BZW2: variants seen among roughly 807,000 people sequenced by gnomAD.
BZW2 encodes the protein eIF5-mimic protein 1.
In BZW2, 23 loss-of-function variants were observed where a neutral mutation model predicts 53.2. The ratio of observed to expected loss-of-function variants is 0.43; its 90% CI spans 0.31 to 0.61. BZW2 has a LOEUF of 0.61. BZW2 is among the 20% of genes least tolerant of loss of function. The probability of loss-of-function intolerance (pLI) is 0.09; values close to 1 mark genes in which losing one functional copy is unlikely to be tolerated. For missense variants in BZW2, 409 were observed against 503.1 expected (o/e 0.81, Z 1.79); for synonymous variants, 227 against 186.4 (o/e 1.22, Z -1.77).
chr7:16,653,419 C>A (rs144603710), intron 1 of BZW2, among the ~76,000 whole-genome samples: 99 of 152,326 alleles, frequency 6.5e-4, no homozygotes, highest in Admixed American at 3.4e-3. Flanking sequence ...CACCAACACT[C>A]CCATCAGTTT....
intron 3 of BZW2, among the ~76,000 whole-genome samples, chr7:16,676,642 G>A (rs1167577): frequency 0.29 from 43,463 of 152,096 alleles, 7,089 homozygotes; most frequent in African/African-American, 0.45. Context: ...GGTAAGGGAT[G>A]AGTATTTTCA....
In BZW2 at chr7:16,646,263, C is replaced by T; in HGVS notation, c.-33C>T. On this transcript the variant is annotated 5_prime_UTR_variant, in exon 1 of 12. Transcript: ENST00000258761. Reference sequence around the variant, plus strand: ...CGAATCGCCGCAGCCCCCAGCCTTGCGCGTCGTCGCTACCTCCTCGGACAG... The same window carrying T: ...CGAATCGCCGCAGCCCCCAGCCTTGTGCGTCGTCGCTACCTCCTCGGACAG... 1 of 283,330 alleles carries T rather than the reference C, an allele frequency of 3.5e-6. No homozygotes were observed. Among genetic ancestry groups the T allele is most frequent in the Non-Finnish European group, 7.2e-6 (1 of 139,678 alleles). 17.6% of individuals were successfully genotyped at this position (283,330 alleles called of 1,614,324 possible). A position where few individuals can be genotyped will look rare whatever the true frequency, so the allele number is the denominator to read the frequency against.
chr7:16,660,849 A>T (rs1049204800), intron 1 of BZW2, among the ~76,000 whole-genome samples: 20 of 151,980 alleles, frequency 1.3e-4, no homozygotes, highest in African/African-American at 3.9e-4. Context: ...TTCACAAAGG[A>T]CCTCCTGGGG....
At chr7:16,678,473 G>A (rs1782836779) in intron 3 of BZW2, among the ~76,000 whole-genome samples, 1 of 152,012 alleles carries the variant, frequency 6.6e-6, no homozygotes, top group South Asian at 2.1e-4. Context: ...GTTAGAAATG[G>A]CAAACAATAC....
chr7:16,695,646 G>C (rs706039), intron 8 of BZW2, among the ~76,000 whole-genome samples: 1 of 151,912 alleles, frequency 6.6e-6, no homozygotes, highest in Non-Finnish European at 1.5e-5. Context: ...TATCTGGAGA[G>C]AGCTTTCTAT....
chr7:16,705,358 G>GATAA (rs923849080), intron 11 of BZW2, among the ~76,000 whole-genome samples: 1 of 149,250 alleles, frequency 6.7e-6, no homozygotes, highest in Non-Finnish European at 1.5e-5. Flanking sequence ...ACTCCATCTC[G>GATAA]ATAAATAAAT....
At chr7:16,666,389 T>TTTTGTTTATTTATTTA (rs1554265406) in intron 2 of BZW2, among the ~76,000 whole-genome samples, 9 of 145,926 alleles carry the variant, frequency 6.2e-5, no homozygotes, top group Non-Finnish European at 1.2e-4. Flanking sequence ...TATAAAAGAC[T>TTTTGTTTATTTATTTA]TTTATTTATT....
rs1258402221 is a variant in BZW2 at position 16,706,303 on chromosome 7, C to T, written c.*215C>T. The T allele has an allele frequency of 3.7e-6, 2 of 542,856 alleles. No individual in the cohort carries two copies. The highest frequency in any genetic ancestry group is 1.9e-5 in the African/African-American group (1 of 51,838). The allele number at this position is 542,856 out of a possible 1,614,324, so 33.6% of individuals were successfully genotyped here. A position where few individuals can be genotyped will look rare whatever the true frequency, so the allele number is the denominator to read the frequency against. ...CTATTATACTTGGGACTCTACCTCT[C>T]ACTCACTATATGCTAACTTAAAGCC... On this transcript the variant is annotated 3_prime_UTR_variant, in exon 12 of 12. Coordinates refer to ENST00000258761, the MANE Select transcript of BZW2 (RefSeq NM_014038.3).
At chr7:16,671,930 C>CAAAAAAAAAAAAAAAAA (rs56356463) in intron 2 of BZW2, among the ~76,000 whole-genome samples, 1 of 99,402 alleles carries the variant, frequency 1.0e-5, no homozygotes, top group Admixed American at 1.1e-4. Flanking sequence ...GACCCTGTTT[C>CAAAAAAAAAAAAAAAAA]AAAAAAAAAA....
In BZW2 at chr7:16,672,237, A is replaced by G. The variant is rs189786455; in HGVS notation, c.59-2175A>G. Among the ~76,000 whole-genome samples the G allele has an allele frequency of 2.5e-3, 373 of 152,104 alleles. 4 individuals carry two copies. The highest frequency in any genetic ancestry group is 8.8e-3 in the African/African-American group (364 of 41,488). The stretch of plus-strand genomic sequence containing the variant: ...TTTCATTTCTGGGAGATTTATTGAG[A>G]TTTTTCAAAAAATTTCCTTTCCTTT... On this transcript the variant is annotated intron_variant, in intron 2 of 11. Coordinates refer to ENST00000258761, the MANE Select transcript of BZW2 (RefSeq NM_014038.3).
chr7:16,703,251 T>G (rs1315331016), intron 10 of BZW2, among the ~76,000 whole-genome samples: 1 of 152,214 alleles, frequency 6.6e-6, no homozygotes, highest in Non-Finnish European at 1.5e-5. Context: ...AATCCAGACT[T>G]CTTGCTTCCT....
chr7:16,706,033 A>C (rs748647218), intron 11 of BZW2, 27 bp from the exon 12 acceptor site: 1 of 1,613,578 alleles, frequency 6.2e-7, no homozygotes, highest in East Asian at 2.2e-5. Flanking sequence ...CTGGGAGGAA[A>C]TATCTCACTT....
chr7:16,701,842 A>C (rs943145811), intron 10 of BZW2, among the ~76,000 whole-genome samples: 27 of 152,202 alleles, frequency 1.8e-4, no homozygotes, highest in African/African-American at 6.5e-4. Flanking sequence ...AAGAAAACAA[A>C]GAATTACACT....
chr7:16,674,384 ACTGTTAT>A, intron 2 of BZW2, 21 bp from the exon 3 acceptor site: 2 of 1,475,810 alleles, frequency 1.4e-6, no homozygotes, highest in Non-Finnish European at 1.8e-6. Flanking sequence ...TATTTATTTG[ACTGTTAT>A]TTTGAATTGT....
intron 3 of BZW2, among the ~76,000 whole-genome samples, chr7:16,678,436 G>A (rs1024537978): frequency 7.2e-5 from 11 of 152,030 alleles, no homozygotes; most frequent in African/African-American, 1.4e-4. Flanking sequence ...CTTCTACCTT[G>A]AGAAAAACAG....
chr7:16,646,592 C>T (rs988568420), intron 1 of BZW2, among the ~76,000 whole-genome samples: 2 of 152,180 alleles, frequency 1.3e-5, no homozygotes, highest in Admixed American at 1.3e-4. Context: ...TGCACATGGT[C>T]TCGTGCGTGG....
At chr7:16,706,037 C>T (rs776296556) in intron 11 of BZW2, 23 bp from the exon 12 acceptor site, 2 of 1,613,398 alleles carry the variant, frequency 1.2e-6, no homozygotes, top group Non-Finnish European at 1.7e-6. Context: ...GAGGAAATAT[C>T]TCACTTCTTT....
chr7:16,698,750 A>G (rs1371988362), intron 10 of BZW2, among the ~76,000 whole-genome samples: 2 of 152,200 alleles, frequency 1.3e-5, no homozygotes, highest in East Asian at 1.9e-4. Context: ...TATGAATGCT[A>G]AAGGTTTTAA....
In BZW2 at chr7:16,694,817, T is replaced by C; in HGVS notation, c.652-17T>C. The C allele has an allele frequency of 6.7e-7, 1 of 1,502,118 alleles. No homozygotes were observed. Among genetic ancestry groups the C allele is most frequent in the Non-Finnish European group, 9.0e-7 (1 of 1,106,512 alleles). The allele number at this position is 1,502,118 out of a possible 1,614,324, so 93.0% of individuals were successfully genotyped here. On this transcript the variant is annotated splice_polypyrimidine_tract_variant and intron_variant, in intron 7 of 11. Transcript: ENST00000258761. ...TTGAATGGCTTGTTTTATAGCAGTCTTTTTTCCCTTTTTCAGGAACTCTTT... is the reference window on the plus strand; with the variant it reads ...TTGAATGGCTTGTTTTATAGCAGTCCTTTTTCCCTTTTTCAGGAACTCTTT...
Sources: allele counts gnomAD v4.1 joint callset (sites outside exome capture counted in the v4.1 genomes callset), GRCh38; gene constraint gnomAD v4.1.1; transcripts MANE v1.5; gene names NCBI Gene and HGNC (gene_info 2026-07-23, HGNC 2026-07-21).